LPCAT3: variants seen among roughly 807,000 people sequenced by gnomAD.
LPCAT3 encodes lysophospholipid acyltransferase 5.
LPCAT3 carries 21 observed loss-of-function variants against 63.4 expected under a neutral mutation model. That is an observed-to-expected ratio of 0.33 (90% CI 0.23 to 0.48). The LOEUF (loss-of-function observed/expected upper bound fraction) is 0.48. Among genes scored for constraint, LPCAT3 ranks in the 20% least tolerant of loss-of-function variants. The probability of loss-of-function intolerance (pLI) is 0.99; values close to 1 mark genes in which losing one functional copy is unlikely to be tolerated. For missense variants in LPCAT3, 451 were observed against 590.6 expected, an observed-to-expected ratio of 0.76 and a Z score of 2.45; for synonymous variants, 242 against 227.5, an observed-to-expected ratio of 1.06 and a Z score of -0.58.
At chr12:6,983,034 T>A in intron 2 of LPCAT3, 1 of 581,410 alleles carries the variant, frequency 1.7e-6, no homozygotes, top group Non-Finnish European at 3.2e-6. Flanking sequence ...CAGACTTGAG[T>A]GCAGTAGCTC....
At chr12:7,005,346 A>G (rs138028730) in intron 1 of LPCAT3, among the ~76,000 whole-genome samples, 4 of 152,314 alleles carry the variant, frequency 2.6e-5, no homozygotes, top group Admixed American at 6.5e-5. Flanking sequence ...ATTTGTCCCA[A>G]TTGGTGGACA....
chr12:6,979,446 T>C, intron 7 of LPCAT3, 25 bp downstream of exon 7: 1 of 1,530,642 alleles, frequency 6.5e-7, no homozygotes, highest in South Asian at 1.1e-5. Flanking sequence ...GCAGTCATGC[T>C]GCTGCTGCTT....
chr12:6,981,489 TGAGG>T, intron 5 of LPCAT3, 102 bp downstream of exon 5: 1 of 1,112,262 alleles, frequency 9.0e-7, no homozygotes, highest in Non-Finnish European at 1.4e-6. Flanking sequence ...GGCTGGGGAA[TGAGG>T]GAGAGGCTCC....
At chr12:7,003,008 CAAAA>C (rs1380283505) in intron 1 of LPCAT3, among the ~76,000 whole-genome samples, 1 of 150,588 alleles carries the variant, frequency 6.6e-6, no homozygotes, top group African/African-American at 2.4e-5. Flanking sequence ...AACTCCATCT[CAAAA>C]AAAGAAAAAA....
At chr12:7,003,845 C>T (rs1179966083) in intron 1 of LPCAT3, among the ~76,000 whole-genome samples, 2 of 151,094 alleles carry the variant, frequency 1.3e-5, no homozygotes, top group Non-Finnish European at 2.9e-5. Flanking sequence ...TGGCGTGAAC[C>T]CGGGAAGCGG....
chr12:7,006,106 G>C (rs1946723148), intron 1 of LPCAT3, among the ~76,000 whole-genome samples: 1 of 152,124 alleles, frequency 6.6e-6, no homozygotes, highest in African/African-American at 2.4e-5. Flanking sequence ...GATGACCTGG[G>C]GTCCCAATGA....
rs782208331 is a variant in LPCAT3 at position 6,992,155 on chromosome 12, A to AAAAAC, written c.152-8621_152-8617dup. On this transcript the variant is annotated intron_variant, in intron 1 of 12. Transcript: ENST00000261407. ...GGCGACAGAGTGAAACCCCATCTCT[A>AAAAAC]AAAACAAAACAAAACAAAACAAAAA... Among the ~76,000 whole-genome samples, 215 of 152,202 alleles carry AAAAAC rather than the reference A, an allele frequency of 1.4e-3. 1 individual carries two copies. The highest frequency in any genetic ancestry group is 4.2e-3 in the African/African-American group (174 of 41,520).
chr12:6,999,812 C>T (rs1946668707), intron 1 of LPCAT3, among the ~76,000 whole-genome samples: 1 of 152,020 alleles, frequency 6.6e-6, no homozygotes, highest in African/African-American at 2.4e-5. Context: ...CTTTGTAAAT[C>T]AGTGAATCCC....
chr12:7,006,519 G>T (rs191223200), intron 1 of LPCAT3, among the ~76,000 whole-genome samples: 9 of 152,092 alleles, frequency 5.9e-5, no homozygotes, highest in African/African-American at 1.4e-4. Context: ...GTGCCTGGCC[G>T]ATGGTATACA....
chr12:6,988,019 C>A (rs991967161), intron 1 of LPCAT3: 1 of 389,644 alleles, frequency 2.6e-6, no homozygotes. Flanking sequence ...TTACGGCAGG[C>A]CTTAGAAACC....
At chr12:7,000,211 C>G (rs984206648) in intron 1 of LPCAT3, among the ~76,000 whole-genome samples, 1 of 151,812 alleles carries the variant, frequency 6.6e-6, no homozygotes, top group South Asian at 2.1e-4. Flanking sequence ...TGAGCCACCG[C>G]GCCTGGCCTA....
intron 9 of LPCAT3, chr12:6,978,079 G>A (rs895292082): frequency 9.0e-5 from 51 of 566,176 alleles, no homozygotes; most frequent in Admixed American, 1.3e-4. Flanking sequence ...AAACAGGGCA[G>A]TGGAGGACAT....
chr12:7,001,303 A>G, intron 1 of LPCAT3: 1 of 395,402 alleles, frequency 2.5e-6, no homozygotes, highest in South Asian at 1.9e-5. Context: ...TGTAAAACTT[A>G]TAGAAGATAT....
intron 1 of LPCAT3, among the ~76,000 whole-genome samples, chr12:7,007,647 A>G (rs1309861213): frequency 6.6e-6 from 1 of 151,232 alleles, no homozygotes; most frequent in Non-Finnish European, 1.5e-5. Context: ...GGCGTGCACC[A>G]CCGTGCCCGG....
chr12:6,996,048 A>T (rs782427968), intron 1 of LPCAT3, among the ~76,000 whole-genome samples: 27 of 152,240 alleles, frequency 1.8e-4, no homozygotes, highest in South Asian at 6.2e-4. Flanking sequence ...AGCCCTCTCA[A>T]GGCCTCTATT....
chr12:6,984,182 G>C (rs1555154521), intron 1 of LPCAT3, among the ~76,000 whole-genome samples: 1 of 152,156 alleles, frequency 6.6e-6, no homozygotes, highest in Non-Finnish European at 1.5e-5. Context: ...TCTGTAATCT[G>C]GGCATCAACC....
At chr12:7,003,458 A>G (rs1946703974) in intron 1 of LPCAT3, among the ~76,000 whole-genome samples, 1 of 151,798 alleles carries the variant, frequency 6.6e-6, no homozygotes, top group African/African-American at 2.4e-5. Context: ...TTGGTTTTCA[A>G]TGTTCACTTA....
At chr12:7,016,088 A>T (rs782787979) in intron 1 of LPCAT3, among the ~76,000 whole-genome samples, 1 of 151,960 alleles carries the variant, frequency 6.6e-6, no homozygotes, top group Admixed American at 6.6e-5. Flanking sequence ...CTAACTAATG[A>T]ATGTAATACA....
Position 6,983,440 on chromosome 12 carries a change from A to AAAT in LPCAT3, c.248_250dup (p.Tyr83dup). The AAAT allele has an allele frequency of 6.2e-7, 1 of 1,601,678 alleles. No individual in the cohort carries two copies. Reference sequence around the variant, plus strand: ...TAATTTAGTTTACTCACCAAAGTTAAAATAAGCAATTGAGAGGCCTGTAAA... The same window carrying AAAT: ...TAATTTAGTTTACTCACCAAAGTTAAAATAATAAGCAATTGAGAGGCCTGTAAA... On this transcript the variant is annotated inframe_insertion, in exon 2 of 13. Coordinates refer to ENST00000261407, the MANE Select transcript of LPCAT3 (RefSeq NM_005768.6).
Sources: allele counts gnomAD v4.1 joint callset (sites outside exome capture counted in the v4.1 genomes callset), GRCh38; gene constraint gnomAD v4.1.1; transcripts MANE v1.5; gene names NCBI Gene and HGNC (gene_info 2026-07-23, HGNC 2026-07-21).